PPARG: variants seen among roughly 807,000 people sequenced by gnomAD.
The protein encoded by PPARG is peroxisome proliferator-activated receptor gamma.
Under a neutral mutation model 39.2 loss-of-function variants are expected in PPARG, and 17 were observed. The observed-to-expected ratio is 0.43, with a 90% CI of 0.30 to 0.65. PPARG has a LOEUF of 0.65. PPARG is among the 30% of genes least tolerant of loss of function. PPARG has a pLI of 0.13. For missense variants in PPARG, 406 were observed against 585.9 expected (o/e 0.69, Z 3.17); for synonymous variants, 223 against 215.7 (o/e 1.03, Z -0.30).
At chr3:12,362,616 G>A (rs2048885975) in intron 2 of PPARG, among the ~76,000 whole-genome samples, 1 of 152,006 alleles carries the variant, frequency 6.6e-6, no homozygotes, top group Admixed American at 6.6e-5. Context: ...TGTAAGTAAT[G>A]TTAGTTTTAG....
chr3:12,357,144 C>G (rs575321322), intron 2 of PPARG, among the ~76,000 whole-genome samples: 183 of 152,228 alleles, frequency 1.2e-3, no homozygotes, highest in African/African-American at 4.2e-3. Context: ...AACCGGTCAC[C>G]CACAGAGATG....
At chr3:12,431,942 A>G (rs1276932957) in intron 7 of PPARG, among the ~76,000 whole-genome samples, 2 of 151,728 alleles carry the variant, frequency 1.3e-5, no homozygotes, top group African/African-American at 4.9e-5. Context: ...CAAAAAAAAA[A>G]GCGTTAAGTT....
At chr3:12,400,819 C>G (rs1015188737) in intron 5 of PPARG, among the ~76,000 whole-genome samples, 6 of 152,180 alleles carry the variant, frequency 3.9e-5, no homozygotes, top group Non-Finnish European at 8.8e-5. Context: ...TTAGAATCTT[C>G]TTTTCTAAGT....
At chr3:12,388,748 T>A (rs577538872) in intron 4 of PPARG, among the ~76,000 whole-genome samples, 18 of 152,180 alleles carry the variant, frequency 1.2e-4, no homozygotes, top group African/African-American at 4.1e-4. Context: ...TGATACAGAA[T>A]ATAAAAAAGC....
intron 7 of PPARG, among the ~76,000 whole-genome samples, chr3:12,421,494 C>T (rs2051259651): frequency 6.6e-6 from 1 of 152,174 alleles, no homozygotes; most frequent in Non-Finnish European, 1.5e-5. Flanking sequence ...GCTGACAAGC[C>T]CCAGGACACT....
intron 2 of PPARG, among the ~76,000 whole-genome samples, chr3:12,318,551 A>C (rs1257999900): frequency 6.6e-6 from 1 of 152,166 alleles, no homozygotes; most frequent in Non-Finnish European, 1.5e-5. Flanking sequence ...AAGATACAAA[A>C]CTATATGTTT....
chr3:12,362,553 AAAT>A (rs1391225328), intron 2 of PPARG, among the ~76,000 whole-genome samples: 28 of 150,222 alleles, frequency 1.9e-4, no homozygotes, highest in Middle Eastern at 3.4e-3. Flanking sequence ...ATAAATAAAT[AAAT>A]AAATAAATAA....
chr3:12,325,925 G>A (rs1254121380), intron 2 of PPARG, among the ~76,000 whole-genome samples: 1 of 151,976 alleles, frequency 6.6e-6, no homozygotes, highest in Non-Finnish European at 1.5e-5. Flanking sequence ...TAGTTTAAAT[G>A]TTACCAATAA....
intron 2 of PPARG, among the ~76,000 whole-genome samples, chr3:12,338,378 T>G (rs1034225776): frequency 5.3e-5 from 8 of 152,234 alleles, no homozygotes; most frequent in Non-Finnish European, 1.0e-4. Flanking sequence ...TGACAGAATT[T>G]AAATTGTTTC....
chr3:12,335,140 A>C (rs1241451728), intron 2 of PPARG, among the ~76,000 whole-genome samples: 2 of 152,220 alleles, frequency 1.3e-5, no homozygotes, highest in Non-Finnish European at 2.9e-5. Flanking sequence ...GATGATTTTT[A>C]GTCTGTATTA....
chr3:12,332,140 A>C (rs1358023709), intron 2 of PPARG, among the ~76,000 whole-genome samples: 3 of 152,222 alleles, frequency 2.0e-5, no homozygotes, highest in African/African-American at 7.2e-5. Context: ...TACAGTGTAT[A>C]CATTGTTCTT....
intron 6 of PPARG, among the ~76,000 whole-genome samples, chr3:12,407,282 T>A (rs1235159151): frequency 6.6e-6 from 1 of 152,148 alleles, no homozygotes. Flanking sequence ...TGCGTCAGCC[T>A]CCCGAGTAGC....
chr3:12,347,101 TGA>T (rs1238925979), intron 2 of PPARG, among the ~76,000 whole-genome samples: 1 of 151,832 alleles, frequency 6.6e-6, no homozygotes, highest in African/African-American at 2.4e-5. Flanking sequence ...GAGAATTTCT[TGA>T]ATCTGGGAGG....
intron 1 of PPARG, among the ~76,000 whole-genome samples, chr3:12,290,998 G>A (rs141667470): frequency 8.5e-5 from 13 of 152,238 alleles, no homozygotes; most frequent in African/African-American, 3.1e-4. Flanking sequence ...CTAATTGTGG[G>A]TGTCTTTCTG....
intron 1 of PPARG, among the ~76,000 whole-genome samples, chr3:12,310,653 C>T (rs1199516628): frequency 9.6e-6 from 1 of 104,292 alleles, no homozygotes; most frequent in East Asian, 3.1e-4. Context: ...TTAGTAGAGA[C>T]GGGGTTTCAC....
At chr3:12,350,450 A>G (rs967150893) in intron 2 of PPARG, among the ~76,000 whole-genome samples, 1 of 152,190 alleles carries the variant, frequency 6.6e-6, no homozygotes, top group African/African-American at 2.4e-5. Context: ...TTTACTCAGA[A>G]TATCACGATA....
intron 2 of PPARG, among the ~76,000 whole-genome samples, chr3:12,359,535 G>A (rs1265904030): frequency 2.6e-5 from 4 of 152,040 alleles, no homozygotes; most frequent in Admixed American, 2.6e-4. Context: ...TCTTGACGTA[G>A]GCCTCAGAAT....
intron 6 of PPARG, among the ~76,000 whole-genome samples, chr3:12,413,764 C>G (rs55722652): frequency 6.7e-6 from 1 of 148,788 alleles, no homozygotes; most frequent in South Asian, 2.1e-4. Flanking sequence ...TGCAGTGAGC[C>G]TAGATTGCGC....
intron 1 of PPARG, among the ~76,000 whole-genome samples, chr3:12,306,131 GGT>G (rs1380405924): frequency 6.6e-6 from 1 of 152,170 alleles, no homozygotes; most frequent in Non-Finnish European, 1.5e-5. Flanking sequence ...ACTGGTGGCA[GGT>G]GGAAATGGTT....
Sources: allele counts gnomAD v4.1 joint callset (sites outside exome capture counted in the v4.1 genomes callset), GRCh38; gene constraint gnomAD v4.1.1; transcripts MANE v1.5; gene names NCBI Gene and HGNC (gene_info 2026-07-23, HGNC 2026-07-21).